The following TRMT10A variants were observed in gnomAD, a reference collection of about 807,000 sequenced individuals.
TRMT10A encodes the protein tRNA methyltransferase 10A, also known as tRNA methyltransferase 10 homolog A.
In TRMT10A, 37 loss-of-function variants were observed where a neutral mutation model predicts 40.4. The ratio of observed to expected loss-of-function variants is 0.92; its 90% CI spans 0.71 to 1.21. The LOEUF is 1.21. Among genes scored for constraint, TRMT10A ranks in the 50% most tolerant of loss-of-function variants. The probability of loss-of-function intolerance (pLI) is 0.00; values close to 1 mark genes in which losing one functional copy is unlikely to be tolerated. For missense variants in TRMT10A, 388 were observed against 404.3 expected (o/e 0.96, Z 0.35); for synonymous variants, 103 against 134.1 (o/e 0.77, Z 1.60).
Position 99,548,954 on chromosome 4 carries a change from T to C in TRMT10A, c.*134A>G. 1 of 837,176 alleles carries C rather than the reference T, an allele frequency of 1.2e-6. No individual in the cohort carries two copies. The highest frequency in any genetic ancestry group is 1.7e-6 in the Non-Finnish European group (1 of 587,548). The allele number at this position is 837,176 out of a possible 1,614,324, so 51.9% of individuals were successfully genotyped here. A position where few individuals can be genotyped will look rare whatever the true frequency, so the allele number is the denominator to read the frequency against. ...AAAGGGCTTTTTTTTTTATTATTAT[T>C]TAGGTCCAAAAAAAAGTTTTTAAAA... is the stretch of plus-strand genomic sequence containing the variant. On this transcript the variant is annotated 3_prime_UTR_variant, in exon 8 of 8. Coordinates refer to ENST00000394876, the MANE Select transcript of TRMT10A (RefSeq NM_001134665.3).
intron 1 of TRMT10A, chr4:99,563,517 C>T (rs1263734685): frequency 4.9e-6 from 1 of 205,166 alleles, no homozygotes; most frequent in Non-Finnish European, 1.0e-5. Flanking sequence ...CTTTCCGGCC[C>T]TTTAGAGTAC....
In TRMT10A at chr4:99,547,018, A is replaced by G. The variant is rs1723761066; in HGVS notation, c.*2070T>C. On this transcript the variant is annotated 3_prime_UTR_variant, in exon 8 of 8. Coordinates refer to ENST00000394876, the MANE Select transcript of TRMT10A (RefSeq NM_001134665.3). ...CAAAAGATATGTCAAATCCTAACAC[A>G]TGGTACCCTGTAAATGTGACCTTAT... 6.6e-6 allele frequency: 1 copy of G among 151,998 alleles called. No homozygotes were observed. The highest frequency in any genetic ancestry group is 2.4e-5 in the African/African-American group (1 of 41,364). The allele number at this position is 151,998 out of a possible 1,614,324, so 9.4% of individuals were successfully genotyped here. A position where few individuals can be genotyped will look rare whatever the true frequency, so the allele number is the denominator to read the frequency against.
chr4:99,558,220 A>G lies in TRMT10A; in HGVS notation c.186-9T>C. 6.3e-7 allele frequency: 1 copy of G among 1,584,860 alleles called. No individual in the cohort carries two copies. On this transcript the variant is annotated splice_polypyrimidine_tract_variant and intron_variant, in intron 2 of 7. Coordinates refer to ENST00000394876, the MANE Select transcript of TRMT10A (RefSeq NM_001134665.3). ...TTTCTTTTCGCTTTTGTCTAAAATT[A>G]GTAATTGAAATAACATTTTGTTATT...
Position 99,553,933 on chromosome 4 carries a change from T to C in TRMT10A, c.497A>G (p.Asp166Gly). The C allele has an allele frequency of 1.2e-6, 2 of 1,611,962 alleles. No homozygotes were observed. The highest frequency in any genetic ancestry group is 1.7e-6 in the Non-Finnish European group (2 of 1,179,386). Residue 166 changes from aspartate to glycine, a missense_variant and splice_region_variant, in exon 6 of 8, where the codon GAT (aspartate) becomes GGT (glycine). By Grantham distance (94) the Asp-to-Gly change is moderately conservative. Transcript: ENST00000394876. ...ENDKGWVNWKDIHIKPEHYSE... is the reference protein window; with the variant it reads ...ENDKGWVNWKGIHIKPEHYSE... ...ATAGTGCTCTGGTTTGATATGGATATCCTTTAAGACAACAGGGAAAGAGGT... is the reference window on the plus strand; with the variant it reads ...ATAGTGCTCTGGTTTGATATGGATACCCTTTAAGACAACAGGGAAAGAGGT...
intron 4 of TRMT10A, among the ~76,000 whole-genome samples, chr4:99,557,064 A>C (rs1724187921): frequency 6.6e-6 from 1 of 152,208 alleles, no homozygotes; most frequent in South Asian, 2.1e-4. Context: ...AAAAACTGGT[A>C]TAAAAATATA....
Position 99,562,201 on chromosome 4 carries a change from A to ATATATG in TRMT10A, c.-24+1711_-24+1712insCATATA, listed in dbSNP as rs374134499. ...AAAAAAAAAAATTATATATATATAT[A>ATATATG]TGTGTGTGTGTGTGTGTGTGTGTGT... On this transcript the variant is annotated intron_variant, in intron 1 of 7. Coordinates refer to ENST00000394876, the MANE Select transcript of TRMT10A (RefSeq NM_001134665.3). Among the ~76,000 whole-genome samples the ATATATG allele has an allele frequency of 3.9e-3, 527 of 136,172 alleles. 8 individuals carry two copies. Among genetic ancestry groups the ATATATG allele is most frequent in the East Asian group, 0.031 (145 of 4,632 alleles). 89.3% of individuals were successfully genotyped at this position (136,172 alleles called of 152,430 possible).
intron 4 of TRMT10A, 126 bp from the exon 5 acceptor site, chr4:99,556,346 G>GA: frequency 2.4e-5 from 22 of 903,978 alleles, no homozygotes; most frequent in Non-Finnish European, 3.3e-5. Context: ...CATTCATCTA[G>GA]AAAAAAAATT....
intron 1 of TRMT10A, among the ~76,000 whole-genome samples, chr4:99,562,481 A>G (rs1578218031): frequency 2.0e-5 from 3 of 149,016 alleles, no homozygotes; most frequent in African/African-American, 7.4e-5. Context: ...TGCAGATTGG[A>G]ATTAATGACT....
intron 2 of TRMT10A, 68 bp downstream of exon 2, chr4:99,559,086 G>T: frequency 1.4e-6 from 2 of 1,391,208 alleles, no homozygotes; most frequent in Admixed American, 2.1e-5. Context: ...TATGCCAAAG[G>T]GCTATGCAAG....
intron 4 of TRMT10A, among the ~76,000 whole-genome samples, chr4:99,556,834 GATGTTA>G (rs1304073527): frequency 6.6e-6 from 1 of 152,080 alleles, no homozygotes; most frequent in Non-Finnish European, 1.5e-5. Flanking sequence ...CCAACAGAAA[GATGTTA>G]TTCTTAACAG....
chr4:99,560,651 A>C (rs1188281185), intron 1 of TRMT10A, among the ~76,000 whole-genome samples: 7 of 152,318 alleles, frequency 4.6e-5, no homozygotes, highest in Non-Finnish European at 5.9e-5. Flanking sequence ...AAACTGAATA[A>C]GCCTAAAAAG....
chr4:99,559,214 T>C lies in TRMT10A; in HGVS notation c.125A>G (p.Lys42Arg), dbSNP rs746653879. The change falls in exon 2 of 8, where the codon AAA becomes AGA. Residue 42 changes from lysine (K) to arginine (R), a missense_variant. Coordinates refer to ENST00000394876, the MANE Select transcript of TRMT10A (RefSeq NM_001134665.3). Reference sequence around the variant, plus strand: ...TTTTATTAGTTTTTTCATTTGTCGTTTAGATATTGGTTCACACCCTTCACC... The same window carrying C: ...TTTTATTAGTTTTTTCATTTGTCGTCTAGATATTGGTTCACACCCTTCACC... The part of the protein sequence containing the change: ...RLGEGCEPIS[K>R]RQMKKLIKQK... 1 of 1,613,516 alleles carries C rather than the reference T, an allele frequency of 6.2e-7. No individual in the cohort carries two copies. The highest frequency in any genetic ancestry group is 8.5e-7 in the Non-Finnish European group (1 of 1,179,596).
At chr4:99,553,336 A>G (rs1560599454) in intron 6 of TRMT10A, among the ~76,000 whole-genome samples, 2 of 152,204 alleles carry the variant, frequency 1.3e-5, no homozygotes. Flanking sequence ...AAGAGAGAAA[A>G]GTACAAATGA....
intron 1 of TRMT10A, 77 bp from the exon 2 acceptor site, chr4:99,559,438 C>T: frequency 5.4e-6 from 5 of 933,322 alleles, no homozygotes; most frequent in Non-Finnish European, 7.7e-6. Context: ...AAAGTTAAAC[C>T]ATAAAATAAT....
rs1305577406 is a variant in TRMT10A, at chr4:99,547,307, C to T, written c.*1781G>A. 6.6e-6 allele frequency: 1 copy of T among 152,042 alleles called. No individual in the cohort carries two copies. The highest frequency in any genetic ancestry group is 1.9e-4 in the East Asian group (1 of 5,194). The allele number at this position is 152,042 out of a possible 1,614,324, so 9.4% of individuals were successfully genotyped here. On this transcript the variant is annotated 3_prime_UTR_variant, in exon 8 of 8. Transcript: ENST00000394876. Reference sequence around the variant, plus strand: ...CCTAGGGCCTAAGGAGGAAGCATGGCACTGGGACATTGTGAGTCTGGACAT... The same window carrying T: ...CCTAGGGCCTAAGGAGGAAGCATGGTACTGGGACATTGTGAGTCTGGACAT...
chr4:99,559,113 C>T (rs1354227417), intron 2 of TRMT10A, 41 bp downstream of exon 2: 1 of 1,572,104 alleles, frequency 6.4e-7, no homozygotes, highest in South Asian at 1.2e-5. Context: ...CATTGCATAT[C>T]TCTAAATAGG....
At chr4:99,563,120 C>T (rs1027465300) in intron 1 of TRMT10A, among the ~76,000 whole-genome samples, 1 of 152,232 alleles carries the variant, frequency 6.6e-6, no homozygotes. Flanking sequence ...CGCGCCCGGC[C>T]AGGAATGCCC....
Position 99,550,959 on chromosome 4 carries a change from C to G in TRMT10A, c.677G>C (p.Gly226Ala), listed in dbSNP as rs746764425. ...GLTYKQASDY[G>A]INHAQLPLGN... Reference sequence around the variant, plus strand: ...AAGTGGGAGCTGTGCATGATTGATTCCATAATCTGACGCTTGTTTATATGT... The same window carrying G: ...AAGTGGGAGCTGTGCATGATTGATTGCATAATCTGACGCTTGTTTATATGT... The change falls in exon 7 of 8, where the codon GGA becomes GCA. Residue 226 changes from glycine to alanine, a missense_variant. Gly to Ala is a moderately conservative substitution (Grantham distance 60). Coordinates refer to ENST00000394876, the MANE Select transcript of TRMT10A (RefSeq NM_001134665.3). 1.2e-6 allele frequency: 2 copies of G among 1,612,264 alleles called. No individual in the cohort carries two copies. The highest frequency in any genetic ancestry group is 2.2e-5 in the South Asian group (2 of 90,778).
chr4:99,553,706 G>T, intron 6 of TRMT10A, 79 bp downstream of exon 6: 1 of 1,371,358 alleles, frequency 7.3e-7, no homozygotes, highest in Admixed American at 2.2e-5. Context: ...GCTATCATTA[G>T]TATTATTGTT....
Sources: gnomAD v4.1 joint callset for allele counts (sites outside exome capture counted in the v4.1 genomes callset) on GRCh38, gnomAD v4.1.1 for gene constraint, MANE v1.5 for transcripts, NCBI Gene and HGNC (gene_info 2026-07-23, HGNC 2026-07-21) for gene names.